FAM193A: variants seen among roughly 807,000 people sequenced by gnomAD.
FAM193A encodes family with sequence similarity 193 member A.
In FAM193A, 22 loss-of-function variants were observed where a neutral mutation model predicts 126.5. That is an observed-to-expected ratio of 0.17 (90% CI 0.12 to 0.25). The LOEUF (loss-of-function observed/expected upper bound fraction) is 0.25. FAM193A is among the 10% of genes least tolerant of loss of function. FAM193A has a pLI of 1.00. For synonymous variants in FAM193A, 761 were observed against 646.8 expected, an observed-to-expected ratio of 1.18 and a Z score of -2.68; for missense variants, 1,675 against 1,672.8, an observed-to-expected ratio of 1.00 and a Z score of -0.02.
chr4:2,550,815 A>G (rs979599690), intron 1 of FAM193A, among the ~76,000 whole-genome samples: 5 of 113,306 alleles, frequency 4.4e-5, no homozygotes, highest in African/African-American at 1.7e-4. Flanking sequence ...TTATTTATTT[A>G]TTTAGAGATG....
At chr4:2,688,531 C>T (rs1355401185) in intron 13 of FAM193A, among the ~76,000 whole-genome samples, 2 of 152,068 alleles carry the variant, frequency 1.3e-5, no homozygotes, top group Non-Finnish European at 1.5e-5. Context: ...AAGGGGAGGC[C>T]TGTGTGTCCA....
intron 1 of FAM193A, among the ~76,000 whole-genome samples, chr4:2,593,527 A>C (rs1740685196): frequency 6.6e-6 from 1 of 152,070 alleles, no homozygotes; most frequent in Admixed American, 6.5e-5. Context: ...TAATTTTTTC[A>C]TGTATTTGTC....
intron 1 of FAM193A, among the ~76,000 whole-genome samples, chr4:2,548,683 C>G (rs142810238): frequency 3.3e-5 from 5 of 151,800 alleles, no homozygotes; most frequent in Admixed American, 3.3e-4. Flanking sequence ...TCTTGAACTT[C>G]TGACCTCAAG....
chr4:2,667,816 T>C (rs553855193), intron 12 of FAM193A, among the ~76,000 whole-genome samples: 27 of 152,234 alleles, frequency 1.8e-4, no homozygotes, highest in Non-Finnish European at 3.5e-4. Context: ...TTTTTAATTT[T>C]CTTAGTGGCT....
chr4:2,542,885 G>A (rs968656079), intron 1 of FAM193A, among the ~76,000 whole-genome samples: 2 of 152,272 alleles, frequency 1.3e-5, no homozygotes, highest in African/African-American at 4.8e-5. Context: ...CCTTCATCGA[G>A]GTGGCTGCTG....
intron 20 of FAM193A, 46 bp downstream of exon 20, chr4:2,716,150 C>T: frequency 8.0e-7 from 1 of 1,246,802 alleles, no homozygotes; most frequent in African/African-American, 1.5e-5. Context: ...TGTGTGCTTG[C>T]CATACATGTT....
intron 20 of FAM193A, among the ~76,000 whole-genome samples, chr4:2,719,553 C>T (rs991750539): frequency 1.3e-5 from 2 of 152,074 alleles, no homozygotes; most frequent in Non-Finnish European, 2.9e-5. Flanking sequence ...TGAGATCAGC[C>T]TGACCAACAT....
chr4:2,657,772 TTTTTTTCTG>T (rs1560530414), intron 7 of FAM193A, 22 bp from the exon 8 acceptor site: 1 of 1,522,600 alleles, frequency 6.6e-7, no homozygotes, highest in Non-Finnish European at 8.9e-7. Flanking sequence ...AAGTTTTTCT[TTTTTTTCTG>T]TTTTTTACAT....
rs139166466 is a variant in FAM193A, at chr4:2,691,084, G to A, written c.2803+114G>A. On this transcript the variant is annotated intron_variant, in intron 15 of 20. Transcript: ENST00000637812. ...CCTTTTACTTGGCCTAGCCAGAGGC[G>A]TAAGTGTAATTAACTGCCCAAAAAT... is the stretch of plus-strand genomic sequence containing the variant. The A allele has an allele frequency of 7.2e-5, 70 of 975,696 alleles. No individual in the cohort carries two copies. The East Asian group carries it at 1.3e-3, about 18-fold the overall frequency. The allele number at this position is 975,696 out of a possible 1,614,324, so 60.4% of individuals were successfully genotyped here.
At chr4:2,575,464 GAT>G (rs1739531702) in intron 1 of FAM193A, among the ~76,000 whole-genome samples, 1 of 138,184 alleles carries the variant, frequency 7.2e-6, no homozygotes. Flanking sequence ...TAGATACTGG[GAT>G]TTTTTTTTTT....
intron 4 of FAM193A, among the ~76,000 whole-genome samples, chr4:2,627,147 A>G (rs565632045): frequency 2.7e-5 from 4 of 146,200 alleles, no homozygotes; most frequent in East Asian, 4.0e-4. Flanking sequence ...TCTTCCTTAT[A>G]GTTTGATGTA....
chr4:2,720,084 C>T (rs556203), intron 20 of FAM193A: 40,368 of 157,778 alleles, frequency 0.26, 5,565 homozygotes, highest in Middle Eastern at 0.37. Context: ...TGTGAGCCCC[C>T]GCACCCAGCT....
intron 1 of FAM193A, among the ~76,000 whole-genome samples, chr4:2,564,602 TA>T (rs1444955734): frequency 7.2e-5 from 11 of 152,078 alleles, no homozygotes; most frequent in East Asian, 1.9e-4. Flanking sequence ...ATTTTTCCAA[TA>T]GGGGGTGGGG....
rs190163043 is a variant in FAM193A at position 2,704,124 on chromosome 4, G to C, written c.4372+3580G>C. 6.1e-4 allele frequency among the ~76,000 whole-genome samples: 92 copies of C among 151,396 alleles called. 1 individual carries two copies. Among genetic ancestry groups the C allele is most frequent in the Non-Finnish European group, 1.2e-3 (80 of 67,836 alleles). ...CTAAAAATACAAAAATCAGTTGGGC[G>C]TGGTGGCACACGCCTATAATCCCAG... On this transcript the variant is annotated intron_variant, in intron 19 of 20. Coordinates refer to ENST00000637812, the MANE Select transcript of FAM193A (RefSeq NM_001366318.2).
At chr4:2,642,026 C>T (rs1016394042) in intron 6 of FAM193A, among the ~76,000 whole-genome samples, 1 of 150,080 alleles carries the variant, frequency 6.7e-6, no homozygotes, top group African/African-American at 2.5e-5. Context: ...TGCAGTGGCT[C>T]ATGCCTGTAA....
chr4:2,691,437 T>A (rs1577213614), intron 15 of FAM193A, among the ~76,000 whole-genome samples: 1 of 152,098 alleles, frequency 6.6e-6, no homozygotes. Context: ...GGCTAGGAGG[T>A]CATTGCTTTC....
chr4:2,636,712 G>A (rs1039391546), intron 5 of FAM193A, among the ~76,000 whole-genome samples: 4 of 152,168 alleles, frequency 2.6e-5, no homozygotes, highest in South Asian at 2.1e-4. Context: ...CAAGCCAACA[G>A]CAGCAAATGC....
intron 4 of FAM193A, among the ~76,000 whole-genome samples, chr4:2,630,457 G>A (rs914373552): frequency 1.3e-5 from 2 of 152,192 alleles, no homozygotes; most frequent in Admixed American, 6.5e-5. Context: ...GCAGCCAGGT[G>A]GCACCTCTCC....
At chr4:2,702,679 A>G (rs1439591171) in intron 19 of FAM193A, among the ~76,000 whole-genome samples, 1 of 152,212 alleles carries the variant, frequency 6.6e-6, no homozygotes, top group East Asian at 1.9e-4. Context: ...TTAGACAGTA[A>G]GAACCTGGAC....
Sources: gnomAD v4.1 joint callset for allele counts (sites outside exome capture counted in the v4.1 genomes callset) on GRCh38, gnomAD v4.1.1 for gene constraint, MANE v1.5 for transcripts, NCBI Gene and HGNC (gene_info 2026-07-23, HGNC 2026-07-21) for gene names.